The following TG variants were observed in gnomAD, a reference collection of about 807,000 sequenced individuals.
TG encodes the protein thyroid hormones.
Under a neutral mutation model 324.7 loss-of-function variants are expected in TG, and 270 were observed. That is an observed-to-expected ratio of 0.83 (90% CI 0.75 to 0.92). TG has a LOEUF of 0.92. Ranked by LOEUF, TG falls within the 40% of genes least tolerant of loss-of-function variation. TG has a pLI of 0.00. For missense variants in TG, 3,591 were observed against 3,456.4 expected, an observed-to-expected ratio of 1.04 and a Z score of -0.98; for synonymous variants, 1,401 against 1,327.0, an observed-to-expected ratio of 1.06 and a Z score of -1.21.
chr8:132,998,078 C>T (rs1188936440), intron 35 of TG, among the ~76,000 whole-genome samples: 2 of 151,994 alleles, frequency 1.3e-5, no homozygotes, highest in African/African-American at 2.4e-5. Context: ...TAGATGGAGG[C>T]CCCTGAAGGG....
intron 34 of TG, 78 bp from the exon 35 acceptor site, chr8:132,983,272 T>C (rs1831115592): frequency 6.8e-6 from 10 of 1,474,048 alleles, no homozygotes; most frequent in South Asian, 2.3e-5. Context: ...CACCATCTTA[T>C]ACTTATATTA....
chr8:132,867,330 C>T (rs1839028085), intron 1 of TG, among the ~76,000 whole-genome samples: 1 of 152,116 alleles, frequency 6.6e-6, no homozygotes, highest in Admixed American at 6.5e-5. Flanking sequence ...CCTCCTCACC[C>T]CACCATTTTG....
chr8:133,130,889 G>A (rs1851891702), intron 45 of TG, among the ~76,000 whole-genome samples: 1 of 126,638 alleles, frequency 7.9e-6, no homozygotes, highest in Non-Finnish European at 1.5e-5. Flanking sequence ...CTAATCCCCA[G>A]TGGGGAGAAA....
At chr8:132,955,089 C>T (rs920340275) in intron 27 of TG, among the ~76,000 whole-genome samples, 4 of 152,268 alleles carry the variant, frequency 2.6e-5, no homozygotes, top group African/African-American at 9.6e-5. Flanking sequence ...TCAATGCCTC[C>T]AGGACCTACA....
At chr8:132,900,170 C>A (rs1201281128) in intron 14 of TG, 67 bp from the exon 15 acceptor site, 1 of 1,385,610 alleles carries the variant, frequency 7.2e-7, no homozygotes, top group Non-Finnish European at 1.0e-6. Flanking sequence ...TTGACATCTG[C>A]CAGCAGCAGG....
At chr8:133,134,352 T>A (rs1470233992) in intron 47 of TG, among the ~76,000 whole-genome samples, 3 of 150,888 alleles carry the variant, frequency 2.0e-5, no homozygotes, top group Non-Finnish European at 4.4e-5. Context: ...ATGACAGGAG[T>A]TTTTCAGATA....
chr8:132,908,328 C>A lies in TG; in HGVS notation c.3990C>A (p.Phe1330Leu). The change falls in exon 18 of 48, where the codon TTC becomes TTA. Residue 1330 changes from phenylalanine (F) to leucine (L), a missense_variant. By Grantham distance (22) the Phe-to-Leu change is conservative. Transcript: ENST00000220616. ...TGGATGAGCTGACAGCCCGCGGCTTCTGCCAGATCCAGGTACATGCCTGGC... is the reference window on the plus strand; with the variant it reads ...TGGATGAGCTGACAGCCCGCGGCTTATGCCAGATCCAGGTACATGCCTGGC... The part of the protein sequence containing the change: ...FILDELTARG[F>L]CQIQVKTFGT... 1 of 1,611,642 alleles carries A rather than the reference C, an allele frequency of 6.2e-7. No individual in the cohort carries two copies. Among genetic ancestry groups the A allele is most frequent in the South Asian group, 1.1e-5 (1 of 90,914 alleles).
intron 43 of TG, among the ~76,000 whole-genome samples, chr8:133,100,906 G>T (rs976040446): frequency 6.6e-6 from 1 of 152,024 alleles, no homozygotes; most frequent in African/African-American, 2.4e-5. Context: ...CTTACTTTAC[G>T]TTATCTCAAC....
At chr8:132,893,294 G>GTACGTA (rs377714329) in intron 10 of TG, among the ~76,000 whole-genome samples, 29 of 120,868 alleles carry the variant, frequency 2.4e-4, no homozygotes, top group African/African-American at 8.5e-4. Flanking sequence ...GTGTGTATGT[G>GTACGTA]TACGTGTGGT....
At chr8:132,934,780 C>T (rs1009653720) in intron 24 of TG, among the ~76,000 whole-genome samples, 2 of 152,282 alleles carry the variant, frequency 1.3e-5, no homozygotes, top group East Asian at 3.9e-4. Flanking sequence ...ATACTGGGAA[C>T]AAAACACACC....
At chr8:133,007,584 C>T (rs1161351252) in intron 35 of TG, among the ~76,000 whole-genome samples, 2 of 151,944 alleles carry the variant, frequency 1.3e-5, no homozygotes, top group Admixed American at 6.5e-5. Context: ...TGGGACTTGA[C>T]CCTGATCAGG....
At chr8:133,094,389 C>T (rs2739178) in intron 41 of TG, among the ~76,000 whole-genome samples, 5,482 of 151,844 alleles carry the variant, frequency 0.036, 330 homozygotes, top group African/African-American at 0.12. Context: ...TACAGGCGCC[C>T]GTCACCACGC....
intron 43 of TG, 32 bp downstream of exon 43, chr8:133,096,405 G>C (rs1455063463): frequency 1.2e-6 from 2 of 1,613,674 alleles, no homozygotes; most frequent in Non-Finnish European, 8.5e-7. Context: ...GATGTCTCCA[G>C]CTGGGCATTT....
Position 132,888,278 on chromosome 8 carries a change from T to G in TG, c.2471T>G (p.Leu824Arg), listed in dbSNP as rs2044999622. Residue 824 changes from leucine (L) to arginine (R), a missense_variant, in exon 10 of 48, where the codon CTG (leucine) becomes CGG (arginine). By Grantham distance (102) the Leu-to-Arg change is moderately radical. Transcript: ENST00000220616. ...SGNFSLFIQSLYEAGQQDVFP... is the reference protein window; with the variant it reads ...SGNFSLFIQSRYEAGQQDVFP... ...AACTTCAGTCTCTTTATTCAAAGTC[T>G]GTATGAGGCTGGCCAGCAAGATGTC... 3 of 1,614,104 alleles carry G rather than the reference T, an allele frequency of 1.9e-6. No homozygotes were observed. The highest frequency in any genetic ancestry group is 2.2e-5 in the South Asian group (2 of 91,084).
chr8:132,957,766 C>CACACACACACACACACACACACACACAG lies in TG; in HGVS notation c.5402-3224_5402-3223insACACACACAGACACACACACACACACAC, dbSNP rs1554680118. On this transcript the variant is annotated intron_variant, in intron 27 of 47. Coordinates refer to ENST00000220616, the MANE Select transcript of TG (RefSeq NM_003235.5). ...CTACACACACACACACACACACACA[C>CACACACACACACACACACACACACACAG]ACACACACACACACACACGTATGTA... 1.3e-3 allele frequency among the ~76,000 whole-genome samples: 196 copies of CACACACACACACACACACACACACACAG among 145,574 alleles called. 10 individuals carry two copies. The South Asian group carries it at 0.035, about 26-fold the overall frequency.
Position 133,115,059 on chromosome 8 carries a change from G to T in TG, c.7754+1456G>T, listed in dbSNP as rs992840409. On this transcript the variant is annotated intron_variant, in intron 44 of 47. Transcript: ENST00000220616. ...AGATGTCCAGTCCCTGACCCTGAGAGGCTTATAATCAAGTCAGGACTGGGC... is the reference window on the plus strand; with the variant it reads ...AGATGTCCAGTCCCTGACCCTGAGATGCTTATAATCAAGTCAGGACTGGGC... Among the ~76,000 whole-genome samples, 20 of 152,284 alleles carry T rather than the reference G, an allele frequency of 1.3e-4. 1 individual carries two copies. Among genetic ancestry groups the T allele is most frequent in the South Asian group, 1.2e-3 (6 of 4,826 alleles).
Position 132,913,090 on chromosome 8 carries a change from T to G in TG, c.4203T>G (p.Asp1401Glu). The G allele has an allele frequency of 6.2e-7, 1 of 1,614,178 alleles. No individual in the cohort carries two copies. The highest frequency in any genetic ancestry group is 1.1e-5 in the South Asian group (1 of 91,074). The change falls in exon 20 of 48, where the codon GAT becomes GAG. Residue 1401 changes from aspartate (D) to glutamate (E), a missense_variant. Coordinates refer to ENST00000220616, the MANE Select transcript of TG (RefSeq NM_003235.5). ...VGKDLLGRFT[D>E]LIQSGSFQLH... ...AGGATCTCCTTGGGCGCTTCACAGATCTGATCCAGAGTGGCTCATTCCAGC... is the reference window on the plus strand; with the variant it reads ...AGGATCTCCTTGGGCGCTTCACAGAGCTGATCCAGAGTGGCTCATTCCAGC...
chr8:133,024,310 C>A (rs1188060401), intron 40 of TG, among the ~76,000 whole-genome samples: 1 of 8,954 alleles, frequency 1.1e-4, no homozygotes, highest in African/African-American at 4.7e-4. Context: ...AGGCCATTTT[C>A]TTTCTTTCTT....
At chr8:133,128,232 C>T (rs557329787) in intron 45 of TG, among the ~76,000 whole-genome samples, 3 of 152,096 alleles carry the variant, frequency 2.0e-5, no homozygotes, top group Admixed American at 1.3e-4. Context: ...AGCAGGCATT[C>T]GGCAACTGTG....
Sources: gnomAD v4.1 joint callset for allele counts (sites outside exome capture counted in the v4.1 genomes callset) on GRCh38, gnomAD v4.1.1 for gene constraint, MANE v1.5 for transcripts, NCBI Gene and HGNC (gene_info 2026-07-23, HGNC 2026-07-21) for gene names.